DNAH6: variants seen among roughly 807,000 people sequenced by gnomAD.
DNAH6 encodes dynein axonemal heavy chain 6, also known as axonemal beta dynein heavy chain 6.
In DNAH6, 340 loss-of-function variants were observed where a neutral mutation model predicts 491.4. The observed-to-expected ratio is 0.69, with a 90% CI of 0.63 to 0.76. The LOEUF is 0.76. DNAH6 is among the 30% of genes least tolerant of loss of function. The pLI is 0.00. For missense variants in DNAH6, 4,443 were observed against 4,972.2 expected, an observed-to-expected ratio of 0.89 and a Z score of 3.20; for synonymous variants, 1,603 against 1,686.1, an observed-to-expected ratio of 0.95 and a Z score of 1.21.
chr2:84,649,578 G>A (rs1026726303), intron 33 of DNAH6, among the ~76,000 whole-genome samples: 8 of 152,016 alleles, frequency 5.3e-5, no homozygotes, highest in Non-Finnish European at 1.2e-4. Context: ...GTTCTTTCAG[G>A]ACTTGAAAGC....
At chr2:84,740,014 CTT>C (rs879926329) in intron 62 of DNAH6, among the ~76,000 whole-genome samples, 7 of 140,072 alleles carry the variant, frequency 5.0e-5, no homozygotes, top group Non-Finnish European at 3.1e-5. Context: ...TGATACTTCT[CTT>C]TTTTTTTTTT....
At chr2:84,703,296 GTA>G in intron 49 of DNAH6, 97 bp from the exon 50 acceptor site, 1 of 846,918 alleles carries the variant, frequency 1.2e-6, no homozygotes, top group Non-Finnish European at 1.7e-6. Context: ...TAACAATTCT[GTA>G]GACGTAAAAG....
intron 72 of DNAH6, among the ~76,000 whole-genome samples, chr2:84,811,882 C>A (rs376973363): frequency 4.5e-4 from 67 of 150,286 alleles, no homozygotes; most frequent in South Asian, 1.1e-3. Flanking sequence ...AAAAAGGAAT[C>A]TCCTCTTTCT....
At chr2:84,620,043 C>G in intron 24 of DNAH6, 139 bp downstream of exon 24, 1 of 727,206 alleles carries the variant, frequency 1.4e-6, no homozygotes, top group Non-Finnish European at 2.2e-6. Flanking sequence ...CCTCAAAGAG[C>G]TCAAAGTCTA....
intron 18 of DNAH6, among the ~76,000 whole-genome samples, chr2:84,597,833 A>G (rs1364339315): frequency 6.6e-6 from 1 of 152,200 alleles, no homozygotes; most frequent in African/African-American, 2.4e-5. Flanking sequence ...TAAAAACATG[A>G]TGCTGGACTA....
rs186090529 is a variant in DNAH6, at chr2:84,724,095, A to T, written c.9972+1291A>T. On this transcript the variant is annotated intron_variant, in intron 60 of 76. Coordinates refer to ENST00000389394, the MANE Select transcript of DNAH6 (RefSeq NM_001370.2). Reference sequence around the variant, plus strand: ...CAGTGCTGTCTCCTTTTCTGGGCAGAGCAGTTTAACTTACTCTCACTTTTC... The same window carrying T: ...CAGTGCTGTCTCCTTTTCTGGGCAGTGCAGTTTAACTTACTCTCACTTTTC... Among the ~76,000 whole-genome samples, 5 of 152,302 alleles carry T rather than the reference A, an allele frequency of 3.3e-5. No homozygotes were observed. In the East Asian group the frequency reaches 9.6e-4, roughly 29 times the overall value.
intron 18 of DNAH6, among the ~76,000 whole-genome samples, chr2:84,598,188 TTTTC>T (rs55731012): frequency 2.3e-5 from 3 of 132,860 alleles, no homozygotes; most frequent in African/African-American, 6.0e-5. Flanking sequence ...TCTCTCTTTC[TTTTC>T]TTTCTTTCTT....
chr2:84,541,148 G>A (rs1215938027), intron 4 of DNAH6, among the ~76,000 whole-genome samples: 2 of 152,122 alleles, frequency 1.3e-5, no homozygotes, highest in African/African-American at 2.4e-5. Flanking sequence ...AAATGCCGAG[G>A]GAGCAGTCAT....
chr2:84,649,040 A>G (rs1690162296), intron 33 of DNAH6, among the ~76,000 whole-genome samples: 1 of 152,236 alleles, frequency 6.6e-6, no homozygotes, highest in South Asian at 2.1e-4. Flanking sequence ...ACATTGAGGT[A>G]AGACCCTCTG....
At chr2:84,522,534 G>A (rs1052261759) in intron 2 of DNAH6, among the ~76,000 whole-genome samples, 1 of 151,998 alleles carries the variant, frequency 6.6e-6, no homozygotes, top group Admixed American at 6.6e-5. Flanking sequence ...GTGAGAGAGG[G>A]CATCCTTATC....
intron 11 of DNAH6, among the ~76,000 whole-genome samples, chr2:84,560,304 AC>A (rs1426427155): frequency 6.6e-6 from 1 of 152,224 alleles, no homozygotes; most frequent in Admixed American, 6.5e-5. Context: ...CTAGCATCAG[AC>A]TTCTCAAAAA....
chr2:84,702,375 A>T (rs2104830089), intron 49 of DNAH6, among the ~76,000 whole-genome samples: 1 of 152,312 alleles, frequency 6.6e-6, no homozygotes. Flanking sequence ...CATCATCATC[A>T]TCAGGAAATT....
intron 49 of DNAH6, 37 bp downstream of exon 49, chr2:84,701,376 T>C (rs1695885647): frequency 6.5e-7 from 1 of 1,532,282 alleles, no homozygotes; most frequent in African/African-American, 1.4e-5. Context: ...ATTGTTTTGC[T>C]TGAACTCAGA....
At chr2:84,591,420 G>C (rs1260142299) in intron 16 of DNAH6, among the ~76,000 whole-genome samples, 2 of 151,692 alleles carry the variant, frequency 1.3e-5, no homozygotes, top group Non-Finnish European at 2.9e-5. Flanking sequence ...TAACCTAGGA[G>C]GTAAAAGACT....
At chr2:84,795,474 T>C (rs1467888894) in intron 68 of DNAH6, among the ~76,000 whole-genome samples, 1 of 147,314 alleles carries the variant, frequency 6.8e-6, no homozygotes, top group Non-Finnish European at 1.5e-5. Flanking sequence ...AAACTAATTA[T>C]AAAACAAAAC....
At chr2:84,479,566 T>A in the DNAH6 span, among the ~76,000 whole-genome samples, 1 of 152,214 alleles carries the variant, frequency 6.6e-6, no homozygotes, top group African/African-American at 2.4e-5. Context: ...ATGTTGAAAT[T>A]TCTGGAAAGA....
At chr2:84,480,150 G>A in the DNAH6 span, among the ~76,000 whole-genome samples, 1,403 of 152,268 alleles carry the variant, frequency 9.2e-3, 20 homozygotes, top group African/African-American at 0.032. Context: ...CAAAAATTAT[G>A]TGCTGCTTCA....
intron 11 of DNAH6, among the ~76,000 whole-genome samples, chr2:84,566,446 A>G (rs1681200749): frequency 6.6e-6 from 1 of 152,086 alleles, no homozygotes; most frequent in Admixed American, 6.6e-5. Flanking sequence ...ATCTTCTGGA[A>G]GACACAAAAA....
At chr2:84,637,485 T>C (rs1688993980) in intron 31 of DNAH6, 108 bp downstream of exon 31, 1 of 1,202,886 alleles carries the variant, frequency 8.3e-7, no homozygotes, top group Non-Finnish European at 1.1e-6. Context: ...TATTAATGGT[T>C]ACACATTATT....
Sources: gnomAD v4.1 joint callset for allele counts (sites outside exome capture counted in the v4.1 genomes callset) on GRCh38, gnomAD v4.1.1 for gene constraint, MANE v1.5 for transcripts, NCBI Gene and HGNC (gene_info 2026-07-23, HGNC 2026-07-21) for gene names.